IL13RA2: variants seen among roughly 807,000 people sequenced by gnomAD.
The protein encoded by IL13RA2 is interleukin 13 receptor subunit alpha 2.
A neutral mutation model predicts 34.1 loss-of-function variants in IL13RA2; 25 were observed. That is an observed-to-expected ratio of 0.73 (90% CI 0.53 to 1.03). The LOEUF (loss-of-function observed/expected upper bound fraction) is 1.03. IL13RA2 is among the 50% of genes least tolerant of loss of function. The pLI, the probability that IL13RA2 is intolerant of heterozygous loss-of-function variation, is 0.00. For missense variants in IL13RA2, 297 were observed against 280.9 expected, an observed-to-expected ratio of 1.06 and a Z score of -0.41; for synonymous variants, 106 against 100.4, an observed-to-expected ratio of 1.06 and a Z score of -0.33.
chrX:115,005,216 G>C lies in IL13RA2; in HGVS notation c.1097C>G (p.Pro366Arg), dbSNP rs150444333. The C allele has an allele frequency of 1.2e-5, 12 of 1,011,871 alleles. No homozygotes were observed. Among genetic ancestry groups the C allele is most frequent in the Non-Finnish European group, 1.7e-5 (12 of 713,915 alleles). 83.4% of individuals were successfully genotyped at this position (1,011,871 alleles called of 1,213,427 possible). The change falls in exon 9 of 10, where the codon CCA (proline) becomes CGA (arginine). Residue 366 changes from proline to arginine, a missense_variant. Physicochemically the swap from Pro to Arg is moderately radical, Grantham distance 103. Coordinates refer to ENST00000243213, the MANE Select transcript of IL13RA2 (RefSeq NM_000640.3). ...IFVTGLLLRK[P>R]NTYPKMIPEF... is the part of the protein sequence containing the mutation. ...TCTTACCATTTTTGGGTAGGTGTTT[G>C]GCTTACGCAAAAGCAGACCGGTTAC...
At position 115,017,240 on chromosome X, in the gene IL13RA2, G is replaced by A; in HGVS notation, c.30C>T (p.Cys10=). 2 of 991,097 alleles carry A rather than the reference G, an allele frequency of 2.0e-6. No homozygotes were observed. The allele number at this position is 991,097 out of a possible 1,213,427, so 81.7% of individuals were successfully genotyped here. A position where few individuals can be genotyped will look rare whatever the true frequency, so the allele number is the denominator to read the frequency against. Residue 10 remains cysteine (C), a synonymous_variant, in exon 2 of 10, where the codon TGC becomes TGT. Coordinates refer to ENST00000243213, the MANE Select transcript of IL13RA2 (RefSeq NM_000640.3). ...TTGTGCTTATCAGAAAGGTATATAA[G>A]CATCCGATAGCCAAGCAAACGAAAG... MAFVCLAIG[C]LYTFLISTTF...
At chrX:115,014,070 C>G (rs1556509248) in intron 4 of IL13RA2, among the ~76,000 whole-genome samples, 181 bp from the exon 5 acceptor site, 2 of 111,249 alleles carry the variant, frequency 1.8e-5, no homozygotes, top group Admixed American at 9.6e-5. Context: ...CATGCAAAAC[C>G]AAAAAACATT....
chrX:115,005,664 C>T (rs1398870883), intron 8 of IL13RA2, among the ~76,000 whole-genome samples: 1 of 111,728 alleles, frequency 9.0e-6, no homozygotes, highest in Non-Finnish European at 1.9e-5. Flanking sequence ...CAAACATGTC[C>T]TGTGTGTCTG....
intron 2 of IL13RA2, among the ~76,000 whole-genome samples, chrX:115,016,529 T>G (rs1377738217): frequency 9.3e-6 from 1 of 108,004 alleles, no homozygotes; most frequent in Non-Finnish European, 1.9e-5. Flanking sequence ...TGGGAACATT[T>G]TATTACAAAA....
Position 115,014,526 on chromosome X carries a change from T to G in IL13RA2, c.295A>C (p.Lys99Gln). 1 of 1,189,509 alleles carries G rather than the reference T, an allele frequency of 8.4e-7. No homozygotes were observed. Among genetic ancestry groups the G allele is most frequent in the Non-Finnish European group, 1.1e-6 (1 of 877,845 alleles). ...LHYKDGFDLN[K>Q]GIEAKIHTLL... ...GTGTGTATCTTCGCTTCAATGCCCT[T>G]GTTAAGATCAAACCCATCTTTGTAA... Residue 99 changes from lysine (K) to glutamine (Q), a missense_variant, in exon 4 of 10, where the codon AAG becomes CAG. By Grantham distance (53) the Lys-to-Gln change is moderately conservative. Coordinates refer to ENST00000243213, the MANE Select transcript of IL13RA2 (RefSeq NM_000640.3).
chrX:115,015,809 T>C lies in IL13RA2; in HGVS notation c.107A>G (p.Gln36Arg). The C allele has an allele frequency of 8.6e-7, 1 of 1,168,585 alleles. No individual in the cohort carries two copies. Among genetic ancestry groups the C allele is most frequent in the Non-Finnish European group, 1.2e-6 (1 of 858,441 alleles). ...SDTEIKVNPPQDFEIVDPGYL... is the reference protein window; with the variant it reads ...SDTEIKVNPPRDFEIVDPGYL... ...TCCGGGATCCACTATCTCAAAATCC[T>C]GAGGAGGGTTAACTGAAATAAATCA... The change falls in exon 3 of 10, where the codon CAG (glutamine) becomes CGG (arginine). Residue 36 changes from glutamine (Q) to arginine (R), a missense_variant. Coordinates refer to ENST00000243213, the MANE Select transcript of IL13RA2 (RefSeq NM_000640.3).
intron 1 of IL13RA2, 103 bp downstream of exon 1, chrX:115,017,450 T>C: frequency 2.6e-6 from 1 of 389,789 alleles, no homozygotes; most frequent in Non-Finnish European, 4.5e-6. Flanking sequence ...GAAACAGAAA[T>C]AATCAAGTTA....
At chrX:115,012,281 T>C (rs1432563473) in intron 5 of IL13RA2, among the ~76,000 whole-genome samples, 2 of 112,050 alleles carry the variant, frequency 1.8e-5, no homozygotes, top group Non-Finnish European at 3.8e-5. Context: ...TGCTATCACT[T>C]GTTTCAGCTA....
At chrX:115,007,356 T>A (rs1481756952) in intron 8 of IL13RA2, among the ~76,000 whole-genome samples, 6 of 112,234 alleles carry the variant, frequency 5.3e-5, no homozygotes, top group African/African-American at 1.6e-4. Context: ...CATTTATTAG[T>A]AATTTCTACT....
chrX:115,016,929 A>C (rs903806022), intron 2 of IL13RA2, among the ~76,000 whole-genome samples: 11 of 110,318 alleles, frequency 1.0e-4, no homozygotes, highest in Non-Finnish European at 2.1e-4. Context: ...AAAGGTATGG[A>C]GAGTGTTTTT....
chrX:115,016,550 C>A (rs782596333), intron 2 of IL13RA2, among the ~76,000 whole-genome samples: 2 of 106,441 alleles, frequency 1.9e-5, no homozygotes, highest in African/African-American at 6.8e-5. Context: ...ATCTGTCTAA[C>A]AATAACAATA....
chrX:115,012,226 T>C lies in IL13RA2; in HGVS notation c.522-1398A>G, dbSNP rs782286592. 5.3e-5 allele frequency among the ~76,000 whole-genome samples: 6 copies of C among 112,308 alleles called. No individual in the cohort carries two copies. The South Asian group carries it at 1.1e-3, about 21-fold the overall frequency. The stretch of plus-strand genomic sequence containing the variant: ...TAGTCCTCTCTTGATTTTTCCATTA[T>C]TTAGTAAATGCATATGTTTGGATAA... On this transcript the variant is annotated intron_variant, in intron 5 of 9. Transcript: ENST00000243213.
At chrX:115,017,356 T>G in intron 1 of IL13RA2, 54 bp from the exon 2 acceptor site, 1 of 539,574 alleles carries the variant, frequency 1.9e-6, no homozygotes, top group Non-Finnish European at 3.2e-6. Context: ...ATAATCAAAC[T>G]AAACGTGATT....
At chrX:115,016,697 TA>T (rs1213973837) in intron 2 of IL13RA2, among the ~76,000 whole-genome samples, 1 of 106,793 alleles carries the variant, frequency 9.4e-6, no homozygotes, top group Non-Finnish European at 1.9e-5. Context: ...TAATTAATAA[TA>T]AAACATTAAC....
intron 8 of IL13RA2, among the ~76,000 whole-genome samples, chrX:115,006,656 C>T (rs1556507665): frequency 9.0e-6 from 1 of 111,369 alleles, no homozygotes. Flanking sequence ...GCACTCCAGC[C>T]TGGGTGATAG....
intron 2 of IL13RA2, among the ~76,000 whole-genome samples, chrX:115,016,145 G>A (rs967759851): frequency 3.7e-5 from 4 of 108,722 alleles, no homozygotes; most frequent in Non-Finnish European, 5.6e-5. Context: ...GGGGCTGGAG[G>A]GAGAAACAAT....
chrX:115,009,803 G>A (rs2071699243), intron 6 of IL13RA2, 137 bp from the exon 7 acceptor site: 3 of 404,800 alleles, frequency 7.4e-6, no homozygotes, highest in South Asian at 1.8e-4. Context: ...CCTATGATAC[G>A]TATTAAAATC....
Position 115,010,709 on chromosome X carries a change from A to G in IL13RA2, c.641T>C (p.Val214Ala), listed in dbSNP as rs1556508613. 1.9e-6 allele frequency: 2 copies of G among 1,027,188 alleles called. No homozygotes were observed. The highest frequency in any genetic ancestry group is 2.3e-5 in the Admixed American group (1 of 43,214). 84.7% of individuals were successfully genotyped at this position (1,027,188 alleles called of 1,213,427 possible). Residue 214 changes from valine (V) to alanine (A), a missense_variant, in exon 6 of 10, where the codon GTT becomes GCT. Val to Ala is a moderately conservative substitution (Grantham distance 64). Coordinates refer to ENST00000243213, the MANE Select transcript of IL13RA2 (RefSeq NM_000640.3). The stretch of plus-strand genomic sequence containing the variant: ...AGGCTTGTTCTCTGATGATCCATTA[A>G]CACAAATATAGAAATCTTTATAGTC... ...ASDYKDFYICVNGSSENKPIR... is the reference protein window; with the variant it reads ...ASDYKDFYICANGSSENKPIR...
intron 7 of IL13RA2, among the ~76,000 whole-genome samples, chrX:115,009,100 T>C (rs1448822460): frequency 9.0e-6 from 1 of 111,722 alleles, no homozygotes; most frequent in Non-Finnish European, 1.9e-5. Context: ...AACCATTGCC[T>C]AATTCCCCAG....
Sources: allele counts gnomAD v4.1 joint callset (sites outside exome capture counted in the v4.1 genomes callset), GRCh38; gene constraint gnomAD v4.1.1; transcripts MANE v1.5; gene names NCBI Gene and HGNC (gene_info 2026-07-23, HGNC 2026-07-21).